Variants in LZTS2 observed in about 807,000 individuals in gnomAD.
LZTS2 encodes the protein leucine zipper putative tumor suppressor 2.
Under a neutral mutation model 60.6 loss-of-function variants are expected in LZTS2, and 32 were observed. The observed-to-expected ratio is 0.53, with a 90% CI of 0.40 to 0.71. The LOEUF (loss-of-function observed/expected upper bound fraction) is 0.71, where lower values mean the gene tolerates loss of function less well. LZTS2 is among the 30% of genes least tolerant of loss of function. The pLI is 0.00. For synonymous variants in LZTS2, 360 were observed against 393.1 expected (o/e 0.92, Z 1.00); for missense variants, 792 against 901.9 (o/e 0.88, Z 1.56).
chr10:101,002,849 G>C, exon 1 of LZTS2: 1 of 1,613,894 alleles, frequency 6.2e-7, no homozygotes, highest in Non-Finnish European at 8.5e-7. Context: ...CCCAGCCCAA[G>C]CAGTGATGTT....
chr10:100,999,700 G>C (rs965816852), exon 1 of LZTS2: 14 of 152,168 alleles, frequency 9.2e-5, no homozygotes, highest in Admixed American at 6.5e-4. Context: ...GCTTGCGCGT[G>C]TCCGCGCCCC....
At chr10:101,004,290 C>T (rs807029) in intron 2 of LZTS2, 124 bp downstream of exon 3, 316,670 of 1,039,366 alleles carry the variant, frequency 0.3, 52,884 homozygotes, top group East Asian at 0.55. Flanking sequence ...ACCCCCCTGC[C>T]CTCCCCACCA....
At chr10:101,005,942 TGTG>T (rs2133980850) in intron 3 of LZTS2, among the ~76,000 whole-genome samples, 1 of 152,328 alleles carries the variant, frequency 6.6e-6, no homozygotes, top group South Asian at 2.1e-4. Flanking sequence ...ATGTGGTGCT[TGTG>T]GTGTGGAGGC....
At chr10:101,006,922 G>T in exon 4 of LZTS2, 11 of 1,534,198 alleles carry the variant, frequency 7.2e-6, no homozygotes, top group Non-Finnish European at 9.7e-6. Flanking sequence ...AGCGGCGGCG[G>T]GGTGAGGAGC....
intron 3 of LZTS2, among the ~76,000 whole-genome samples, 156 bp downstream of exon 4, chr10:101,005,871 G>A (rs917016919): frequency 5.3e-5 from 8 of 152,208 alleles, no homozygotes; most frequent in African/African-American, 1.9e-4. Context: ...TTTCTGGGAG[G>A]GGGGTCTCCT....
chr10:101,006,964 C>G lies in LZTS2; in HGVS notation c.1806C>G (p.Ala602=), dbSNP rs772522643. 1.9e-6 allele frequency: 3 copies of G among 1,547,824 alleles called. 1 individual carries two copies. The highest frequency in any genetic ancestry group is 2.6e-6 in the Non-Finnish European group (3 of 1,145,162). ...ACAGCTTTGAGGGGGAGCGGCTGGCCTGGCAGGCAGAGAAGGAGCAGGTGA... is the reference window on the plus strand; with the variant it reads ...ACAGCTTTGAGGGGGAGCGGCTGGCGTGGCAGGCAGAGAAGGAGCAGGTGA... Residue 602 remains alanine (A), a synonymous_variant, in exon 4 of 4, where the codon GCC becomes GCG. Coordinates refer to ENST00000370220, the Ensembl canonical transcript of LZTS2.
At chr10:101,001,473 C>T (rs942265817) in exon 1 of LZTS2, 1 of 152,268 alleles carries the variant, frequency 6.6e-6, no homozygotes, top group East Asian at 1.9e-4. Flanking sequence ...TGCACACACT[C>T]CTACTCCCAG....
chr10:101,005,843 G>A, intron 3 of LZTS2, 128 bp downstream of exon 4: 4 of 1,257,606 alleles, frequency 3.2e-6, no homozygotes, highest in Non-Finnish European at 4.3e-6. Context: ...TCCGTGAGAT[G>A]AGGTTCCCCT....
At chr10:100,997,504 A>G (rs1851940283), upstream of LZTS2, among the ~76,000 whole-genome samples, 1 of 151,732 alleles carries the variant, frequency 6.6e-6, no homozygotes, top group Non-Finnish European at 1.5e-5. Flanking sequence ...CCACCCTTGC[A>G]CTCCCAGGGA....
chr10:101,007,781 A>G, exon 4 of LZTS2: 1 of 468,322 alleles, frequency 2.1e-6, no homozygotes, highest in Non-Finnish European at 2.8e-6. Flanking sequence ...CACACTGTAA[A>G]TTTCTTGTAC....
At chr10:100,999,494 T>C (rs913393942) in exon 1 of LZTS2, 1 of 152,278 alleles carries the variant, frequency 6.6e-6, no homozygotes, top group Non-Finnish European at 1.5e-5. Context: ...CGCCGCGCCG[T>C]GGCCCTTTGT....
At chr10:101,004,259 G>T in intron 2 of LZTS2, 93 bp downstream of exon 3, 2 of 1,419,438 alleles carry the variant, frequency 1.4e-6, no homozygotes, top group Non-Finnish European at 1.9e-6. Context: ...AGGGAACGGG[G>T]GTTGGGTAGT....
At chr10:101,003,817 C>T in exon 2 of LZTS2, 3 of 1,613,486 alleles carry the variant, frequency 1.9e-6, no homozygotes, top group Non-Finnish European at 2.5e-6. Context: ...GAGCCAACCA[C>T]CAGCTCCCCA....
At chr10:101,003,560 A>G in exon 2 of LZTS2, 1 of 1,547,348 alleles carries the variant, frequency 6.5e-7, no homozygotes, top group African/African-American at 1.4e-5. Flanking sequence ...TGCTGCCCAA[A>G]CCTCGAGGGG....
exon 4 of LZTS2, chr10:101,006,956 C>T (rs371782677): frequency 9.1e-6 from 14 of 1,544,876 alleles, no homozygotes; most frequent in East Asian, 4.9e-5. Flanking sequence ...TGAGGGGGAG[C>T]GGCTGGCCTG....
At position 101,007,490 on chromosome 10, in the gene LZTS2, GGAA is replaced by G. The variant is rs57642561; in HGVS notation, c.*330_*332del. ...CAGCCCACTCCAGCCAGGGGAGCAG[GGAA>G]GAAGAAGGGGCTCCCTCCTCTTCAC... On this transcript the variant is annotated 3_prime_UTR_variant, in exon 4 of 4. Coordinates refer to ENST00000370220, the Ensembl canonical transcript of LZTS2. The G allele has an allele frequency of 3.4e-4, 474 of 1,402,048 alleles. 3 individuals carry two copies. In the African/African-American group the frequency reaches 6.3e-3, roughly 19 times the overall value. The allele number at this position is 1,402,048 out of a possible 1,614,324, so 86.9% of individuals were successfully genotyped here.
At chr10:101,007,237 C>A in exon 4 of LZTS2, 2 of 1,463,300 alleles carry the variant, frequency 1.4e-6, no homozygotes, top group East Asian at 2.4e-5. Context: ...ACTTAGGCCC[C>A]AGGGTCCACG....
chr10:100,997,627 C>A (rs1457561438), upstream of LZTS2, among the ~76,000 whole-genome samples: 3 of 152,144 alleles, frequency 2.0e-5, no homozygotes, highest in Admixed American at 2.0e-4. Flanking sequence ...CCGGGTGGGA[C>A]GCACCCGGAG....
exon 2 of LZTS2, chr10:101,003,998 C>T (rs1314894126): frequency 1.2e-6 from 2 of 1,612,876 alleles, no homozygotes; most frequent in East Asian, 4.5e-5. Context: ...GTACTCGGGC[C>T]TCCCCTGACA....
Sources: gnomAD v4.1 joint callset for allele counts (sites outside exome capture counted in the v4.1 genomes callset) on GRCh38, gnomAD v4.1.1 for gene constraint, MANE v1.5 for transcripts, NCBI Gene and HGNC (gene_info 2026-07-23, HGNC 2026-07-21) for gene names.